The following TNS3 variants were observed in gnomAD, a reference collection of about 807,000 sequenced individuals.
The protein encoded by TNS3 is tensin 3.
In TNS3, 45 loss-of-function variants were observed where a neutral mutation model predicts 140.9. That is an observed-to-expected ratio of 0.32 (90% CI 0.25 to 0.41). The LOEUF is 0.41. Ranked by LOEUF, TNS3 falls within the 10% of genes least tolerant of loss-of-function variation. The pLI, the probability that TNS3 is intolerant of heterozygous loss-of-function variation, is 1.00. For synonymous variants in TNS3, 815 were observed against 788.4 expected (o/e 1.03, Z -0.56); for missense variants, 1,716 against 1,906.7 (o/e 0.90, Z 1.86).
At chr7:47,524,535 G>T (rs1251223752) in intron 2 of TNS3, among the ~76,000 whole-genome samples, 1 of 151,972 alleles carries the variant, frequency 6.6e-6, no homozygotes, top group Admixed American at 6.6e-5. Context: ...GGGCGCGGTG[G>T]CTCACGCCTG....
intron 1 of TNS3, among the ~76,000 whole-genome samples, chr7:47,569,886 C>A (rs751686077): frequency 8.7e-4 from 132 of 151,920 alleles, no homozygotes; most frequent in Non-Finnish European, 1.6e-3. Flanking sequence ...TGGTGGCTCA[C>A]GCCTGTAATC....
chr7:47,441,730 C>T (rs916256556), intron 5 of TNS3, among the ~76,000 whole-genome samples: 2 of 152,208 alleles, frequency 1.3e-5, no homozygotes, highest in African/African-American at 2.4e-5. Context: ...GAGTCTCCCC[C>T]AAAAGTGACA....
chr7:47,514,253 C>A (rs1798705621), intron 2 of TNS3, among the ~76,000 whole-genome samples: 3 of 152,242 alleles, frequency 2.0e-5, no homozygotes, highest in Admixed American at 6.5e-5. Flanking sequence ...TGCTCAACCC[C>A]ATGACCCCAT....
chr7:47,315,236 A>T (rs949865305), intron 20 of TNS3, among the ~76,000 whole-genome samples: 12 of 152,202 alleles, frequency 7.9e-5, no homozygotes, highest in African/African-American at 2.9e-4. Flanking sequence ...AGCAGGAGGC[A>T]TAATACCGTT....
intron 23 of TNS3, among the ~76,000 whole-genome samples, chr7:47,298,852 C>T (rs527454350): frequency 1.3e-4 from 20 of 152,338 alleles, no homozygotes; most frequent in Non-Finnish European, 1.9e-4. Flanking sequence ...GATGAGGGCA[C>T]GGGGAGGAGC....
At chr7:47,363,148 T>G (rs1468174316) in intron 17 of TNS3, among the ~76,000 whole-genome samples, 1 of 73,832 alleles carries the variant, frequency 1.4e-5, no homozygotes, top group Admixed American at 1.4e-4. Context: ...ATCATCACCA[T>G]CATCATCATC....
chr7:47,534,795 C>T (rs1799543076), intron 1 of TNS3, among the ~76,000 whole-genome samples: 1 of 152,300 alleles, frequency 6.6e-6, no homozygotes, highest in African/African-American at 2.4e-5. Flanking sequence ...GATAATGATG[C>T]TGCTAATTAT....
At chr7:47,506,761 A>G (rs1798431139) in intron 3 of TNS3, 146 bp downstream of exon 3, 1 of 409,026 alleles carries the variant, frequency 2.4e-6, no homozygotes, top group Non-Finnish European at 4.2e-6. Flanking sequence ...CCTTGAGATG[A>G]AAAGTATACA....
rs1562658515 is a variant in TNS3, at chr7:47,378,219, C to T, written c.1025-8598G>A. Among the ~76,000 whole-genome samples, 3 of 152,312 alleles carry T rather than the reference C, an allele frequency of 2.0e-5. No individual in the cohort carries two copies. In the South Asian group the frequency reaches 6.2e-4, roughly 32 times the overall value. On this transcript the variant is annotated intron_variant, in intron 16 of 30. Coordinates refer to ENST00000311160, the MANE Select transcript of TNS3 (RefSeq NM_022748.12). ...GGTCAAGTGAAGAATTCCCAGAACT[C>T]ACAAGTGATTCATGTGTGGACCCTC...
chr7:47,472,092 AC>A (rs1796978365), intron 4 of TNS3, among the ~76,000 whole-genome samples: 1 of 152,154 alleles, frequency 6.6e-6, no homozygotes, highest in Non-Finnish European at 1.5e-5. Flanking sequence ...GCTTGCAGAC[AC>A]GTGGCTCCAG....
At chr7:47,371,101 C>T (rs896373071) in intron 16 of TNS3, among the ~76,000 whole-genome samples, 3 of 152,180 alleles carry the variant, frequency 2.0e-5, no homozygotes, top group Admixed American at 6.5e-5. Context: ...GGCCCGTCTG[C>T]AGTGGCCCTG....
intron 2 of TNS3, among the ~76,000 whole-genome samples, chr7:47,518,674 T>TATAAATAAATAAGTAAATAA (rs1554347279): frequency 5.9e-5 from 9 of 152,290 alleles, no homozygotes; most frequent in East Asian, 1.9e-4. Flanking sequence ...CAAGAAAGAA[T>TATAAATAAATAAGTAAATAA]ATAAATAAAT....
At chr7:47,364,976 G>A (rs1231372715) in intron 17 of TNS3, among the ~76,000 whole-genome samples, 1 of 152,196 alleles carries the variant, frequency 6.6e-6, no homozygotes, top group Non-Finnish European at 1.5e-5. Flanking sequence ...AATGGCCCCA[G>A]ATGCCTGTCA....
chr7:47,303,839 G>A (rs571370790), intron 21 of TNS3, among the ~76,000 whole-genome samples: 51 of 152,298 alleles, frequency 3.3e-4, no homozygotes, highest in Non-Finnish European at 6.0e-4. Context: ...GCCCCATGAA[G>A]GCCTCCACAT....
chr7:47,556,058 T>C (rs1321099222), intron 1 of TNS3, among the ~76,000 whole-genome samples: 1 of 152,200 alleles, frequency 6.6e-6, no homozygotes, highest in Non-Finnish European at 1.5e-5. Context: ...CTTGTGTACA[T>C]ATACATTTAG....
chr7:47,334,240 G>A (rs1248498831), intron 20 of TNS3, among the ~76,000 whole-genome samples: 1 of 152,194 alleles, frequency 6.6e-6, no homozygotes, highest in Admixed American at 6.5e-5. Flanking sequence ...ATCGACAGCA[G>A]AGAAGAGGCT....
At chr7:47,559,218 C>T (rs763793208) in intron 1 of TNS3, among the ~76,000 whole-genome samples, 1 of 152,066 alleles carries the variant, frequency 6.6e-6, no homozygotes, top group Non-Finnish European at 1.5e-5. Flanking sequence ...GGCATGGTGA[C>T]GCGCGCCTGT....
At chr7:47,517,805 G>A (rs1798829290) in intron 2 of TNS3, among the ~76,000 whole-genome samples, 1 of 152,176 alleles carries the variant, frequency 6.6e-6, no homozygotes, top group African/African-American at 2.4e-5. Context: ...AAGGCGGAGG[G>A]AGGGTTCCAC....
At chr7:47,355,263 C>T (rs1453875594) in intron 17 of TNS3, among the ~76,000 whole-genome samples, 5 of 152,216 alleles carry the variant, frequency 3.3e-5, no homozygotes, top group Non-Finnish European at 1.5e-5. Context: ...TCAGTCATTC[C>T]GGCCCCACAG....
Sources: gnomAD v4.1 joint callset for allele counts (sites outside exome capture counted in the v4.1 genomes callset) on GRCh38, gnomAD v4.1.1 for gene constraint, MANE v1.5 for transcripts, NCBI Gene and HGNC (gene_info 2026-07-23, HGNC 2026-07-21) for gene names.